Variants in KLHL20 observed in about 807,000 individuals in gnomAD.
KLHL20 encodes the protein kelch like family member 20.
A neutral mutation model predicts 69.5 loss-of-function variants in KLHL20; 29 were observed. That is an observed-to-expected ratio of 0.42 (90% CI 0.31 to 0.57). The LOEUF is 0.57. Ranked by LOEUF, KLHL20 falls within the 20% of genes least tolerant of loss-of-function variation. KLHL20 has a pLI of 0.18. For synonymous variants in KLHL20, 253 were observed against 265.2 expected (o/e 0.95, Z 0.45); for missense variants, 419 against 776.0 (o/e 0.54, Z 5.47).
chr1:173,715,046 G>C lies in KLHL20; in HGVS notation c.-74G>C, dbSNP rs1318205979. On this transcript the variant is annotated 5_prime_UTR_variant, in exon 1 of 12. Transcript: ENST00000209884. ...GGAGTGGAGGGCGGAGTAGACGGAG[G>C]AGGCTGCTGCAGAGAAGAAAGTGTC... 1 of 152,818 alleles carries C rather than the reference G, an allele frequency of 6.5e-6. No homozygotes were observed. The highest frequency in any genetic ancestry group is 2.4e-5 in the African/African-American group (1 of 41,466). The allele number at this position is 152,818 out of a possible 1,614,324, so 9.5% of individuals were successfully genotyped here.
chr1:173,775,897 G>T, intron 10 of KLHL20, 55 bp downstream of exon 10: 3 of 1,458,212 alleles, frequency 2.1e-6, no homozygotes, highest in Non-Finnish European at 2.9e-6. Context: ...TAATAGTGCT[G>T]CAATAAACAT....
At chr1:173,740,764 C>G (rs1672769812) in intron 3 of KLHL20, among the ~76,000 whole-genome samples, 1 of 151,670 alleles carries the variant, frequency 6.6e-6, no homozygotes, top group Non-Finnish European at 1.5e-5. Flanking sequence ...CAGGCCTTGC[C>G]CCTCCCTGTC....
chr1:173,728,480 C>T (rs1553278740), intron 2 of KLHL20, among the ~76,000 whole-genome samples: 1 of 152,110 alleles, frequency 6.6e-6, no homozygotes, highest in Non-Finnish European at 1.5e-5. Flanking sequence ...CAAAACTGAC[C>T]ACATAGTTGG....
At chr1:173,734,539 G>A in intron 3 of KLHL20, 1 of 441,844 alleles carries the variant, frequency 2.3e-6, no homozygotes, top group Admixed American at 3.7e-5. Flanking sequence ...TTTTTAAAAA[G>A]GTTTATTTAT....
chr1:173,784,875 G>C (rs1649106778), intron 11 of KLHL20, among the ~76,000 whole-genome samples: 2 of 152,218 alleles, frequency 1.3e-5, no homozygotes, highest in Non-Finnish European at 2.9e-5. Context: ...GAGGTATACA[G>C]TTGTAAAGTT....
intron 2 of KLHL20, among the ~76,000 whole-genome samples, chr1:173,716,869 G>A (rs1327254483): frequency 6.6e-6 from 1 of 152,200 alleles, no homozygotes. Flanking sequence ...GCAAGAACCA[G>A]AATGTATATC....
chr1:173,754,617 G>A (rs1673460862), intron 5 of KLHL20, among the ~76,000 whole-genome samples: 1 of 150,836 alleles, frequency 6.6e-6, no homozygotes, highest in South Asian at 2.1e-4. Context: ...CAGACAAATG[G>A]CAATTAATTC....
At chr1:173,759,325 T>C (rs1673692533) in intron 7 of KLHL20, among the ~76,000 whole-genome samples, 1 of 152,058 alleles carries the variant, frequency 6.6e-6, no homozygotes, top group Non-Finnish European at 1.5e-5. Context: ...AAAGGGCATA[T>C]AATCTTGGGA....
intron 3 of KLHL20, among the ~76,000 whole-genome samples, chr1:173,748,154 A>G (rs10912680): frequency 0.09 from 13,713 of 152,092 alleles, 2,000 homozygotes; most frequent in African/African-American, 0.31. Context: ...TATGAAATAA[A>G]TTGAATTAAT....
chr1:173,750,298 A>T (rs1371622399), intron 3 of KLHL20, among the ~76,000 whole-genome samples: 1 of 151,778 alleles, frequency 6.6e-6, no homozygotes, highest in Non-Finnish European at 1.5e-5. Flanking sequence ...ACTCGAGAAT[A>T]TTTATTTATT....
rs574894369 is a variant in KLHL20 at position 173,729,138 on chromosome 1, T to G, written c.24-4575T>G. Among the ~76,000 whole-genome samples the G allele has an allele frequency of 3.5e-4, 54 of 152,270 alleles. 1 individual carries two copies. The South Asian group carries it at 0.011, about 32-fold the overall frequency. On this transcript the variant is annotated intron_variant, in intron 2 of 11. Transcript: ENST00000209884. ...CTAGAAAATCTAGAAATGGATAAAT[T>G]CCTGGACACATACACCCTCCCTAGA...
intron 2 of KLHL20, among the ~76,000 whole-genome samples, chr1:173,721,078 CA>C (rs1279832231): frequency 1.3e-5 from 2 of 152,012 alleles, no homozygotes; most frequent in African/African-American, 4.8e-5. Flanking sequence ...TAGTGAGTAC[CA>C]GGGGTGTTTA....
intron 2 of KLHL20, among the ~76,000 whole-genome samples, chr1:173,719,062 G>A (rs535473650): frequency 2.2e-4 from 30 of 139,024 alleles, no homozygotes; most frequent in Admixed American, 9.6e-4. Context: ...CCGAGATTGC[G>A]CCACTGCAAT....
At chr1:173,726,370 A>T (rs906050409) in intron 2 of KLHL20, among the ~76,000 whole-genome samples, 1 of 151,378 alleles carries the variant, frequency 6.6e-6, no homozygotes, top group Non-Finnish European at 1.5e-5. Context: ...GCACACTTAA[A>T]TGTCCCTGTC....
intron 3 of KLHL20, among the ~76,000 whole-genome samples, chr1:173,745,317 C>G (rs1218889100): frequency 6.6e-6 from 1 of 151,550 alleles, no homozygotes; most frequent in Non-Finnish European, 1.5e-5. Context: ...CGTGCACCAC[C>G]AGGCCTGGCT....
At position 173,786,312 on chromosome 1, in the gene KLHL20, CATT is replaced by C. The variant is rs1257531141; in HGVS notation, c.*1068_*1070del. ...TGGTTCTTTTATACAAACAATGTAT[CATT>C]ATCTTCATTCTATAAGGTCATTGTT... On this transcript the variant is annotated 3_prime_UTR_variant, in exon 12 of 12. Coordinates refer to ENST00000209884, the MANE Select transcript of KLHL20 (RefSeq NM_014458.4). The C allele has an allele frequency of 3.3e-5, 5 of 152,594 alleles. No homozygotes were observed. The highest frequency in any genetic ancestry group is 7.3e-5 in the Non-Finnish European group (5 of 68,036). The allele number at this position is 152,594 out of a possible 1,614,324, so 9.5% of individuals were successfully genotyped here.
intron 8 of KLHL20, among the ~76,000 whole-genome samples, chr1:173,769,759 T>A (rs1647962953): frequency 2.3e-5 from 3 of 131,038 alleles, no homozygotes; most frequent in African/African-American, 3.0e-5. Context: ...CTAGCCAGGG[T>A]AATAGAGTGA....
rs573038254 is a variant in KLHL20, at chr1:173,778,109, A to G, written c.1638+2267A>G. Among the ~76,000 whole-genome samples, 85 of 152,036 alleles carry G rather than the reference A, an allele frequency of 5.6e-4. 1 individual carries two copies. Among genetic ancestry groups the G allele is most frequent in the Admixed American group, 1.6e-3 (25 of 15,254 alleles). The stretch of plus-strand genomic sequence containing the variant: ...ACTTTAAGTTCTAGGGTACATGTGC[A>G]CAAAGTGCAGGTTTGATACATAGGT... On this transcript the variant is annotated intron_variant, in intron 10 of 11. Coordinates refer to ENST00000209884, the MANE Select transcript of KLHL20 (RefSeq NM_014458.4).
At chr1:173,722,849 C>T (rs894399794) in intron 2 of KLHL20, among the ~76,000 whole-genome samples, 1 of 152,070 alleles carries the variant, frequency 6.6e-6, no homozygotes, top group South Asian at 2.1e-4. Context: ...GCCACCACAT[C>T]CAGCTAATTT....
Sources: gnomAD v4.1 joint callset for allele counts (sites outside exome capture counted in the v4.1 genomes callset) on GRCh38, gnomAD v4.1.1 for gene constraint, MANE v1.5 for transcripts, NCBI Gene and HGNC (gene_info 2026-07-23, HGNC 2026-07-21) for gene names.